The following USP6 variants were observed in gnomAD, a reference collection of about 807,000 sequenced individuals.
USP6 encodes the protein ubiquitin specific peptidase 6.
USP6 carries 128 observed loss-of-function variants against 175.7 expected under a neutral mutation model. The ratio of observed to expected loss-of-function variants is 0.73; its 90% CI spans 0.63 to 0.84. The LOEUF (loss-of-function observed/expected upper bound fraction) is 0.84. Among genes scored for constraint, USP6 ranks in the 40% least tolerant of loss-of-function variants. USP6 has a pLI of 0.00. For missense variants in USP6, 1,498 were observed against 1,760.3 expected, an observed-to-expected ratio of 0.85 and a Z score of 2.67; for synonymous variants, 562 against 630.6, an observed-to-expected ratio of 0.89 and a Z score of 1.63.
At chr17:5,141,004 G>T (rs781251727) in intron 22 of USP6, among the ~76,000 whole-genome samples, 1 of 152,266 alleles carries the variant, frequency 6.6e-6, no homozygotes, top group Non-Finnish European at 1.5e-5. Context: ...GGAGTGCAGT[G>T]GTGCAATCAT....
chr17:5,132,858 G>C lies in USP6; in HGVS notation c.196-52G>C, dbSNP rs886878002. ...AGCCCAAGACTCAGCATCCATGGGC[G>C]GCTCTGGGAAGCCTGGCAGCTCCAC... is the stretch of plus-strand genomic sequence containing the variant. On this transcript the variant is annotated intron_variant, in intron 12 of 37. Transcript: ENST00000574788. The surrounding 1 kb of genome is among the most constrained non-coding windows in gnomAD (Gnocchi z 4.7). 1.9e-6 allele frequency: 3 copies of C among 1,603,024 alleles called. No homozygotes were observed. The highest frequency in any genetic ancestry group is 3.3e-5 in the Admixed American group (2 of 59,990).
At position 5,135,345 on chromosome 17, in the gene USP6, G is replaced by C. The variant is rs569988987; in HGVS notation, c.543+63G>C. ...TCCATATTCACAGGAGTGGGTGTCT[G>C]GTGGGGGTGTCGTTGCTTCTTTTAA... On this transcript the variant is annotated intron_variant, in intron 16 of 37. Transcript: ENST00000574788. 31 of 1,586,894 alleles carry C rather than the reference G, an allele frequency of 2.0e-5. No individual in the cohort carries two copies. In the African/African-American group the frequency reaches 3.6e-4, roughly 19 times the overall value.
intron 32 of USP6, 56 bp downstream of exon 32, chr17:5,161,670 C>A: frequency 6.3e-7 from 1 of 1,579,498 alleles, no homozygotes; most frequent in Non-Finnish European, 8.7e-7. Flanking sequence ...AGATATTATA[C>A]AATTTTCCTA....
Position 5,170,775 on chromosome 17 carries a change from T to C in USP6, c.3814T>C (p.Tyr1272His). 1.9e-6 allele frequency: 3 copies of C among 1,613,880 alleles called. No homozygotes were observed. The highest frequency in any genetic ancestry group is 2.5e-6 in the Non-Finnish European group (3 of 1,179,850). ...HEVALANGFL[Y>H]EHEACGNGCG... ...GGTAGCTTTGGCCAATGGATTCCTT[T>C]ATGAGCATGAAGCATGTGGCAATGG... Residue 1272 changes from tyrosine (Y) to histidine (H), a missense_variant, in exon 36 of 38, where the codon TAT becomes CAT. Transcript: ENST00000574788.
chr17:5,138,897 A>T, intron 21 of USP6: 1 of 943,768 alleles, frequency 1.1e-6, no homozygotes, highest in African/African-American at 1.6e-5. Context: ...ACAGGTCCCC[A>T]TGTGAGGTGG....
Position 5,144,762 on chromosome 17 carries a change from C to T in USP6, c.1891C>T (p.Leu631Phe), listed in dbSNP as rs1032380437. ...AGACTCCCAAGAACTTCTGGCTTTT[C>T]TCTTGGATGGTCTTCATGAAGATCT... ...QQDSQELLAF[L>F]LDGLHEDLNR... is the part of the protein sequence containing the mutation. The change falls in exon 26 of 38, where the codon CTC (leucine) becomes TTC (phenylalanine). Residue 631 changes from leucine (L) to phenylalanine (F), a missense_variant. By Grantham distance (22) the Leu-to-Phe change is conservative (BLOSUM62 0). This residue lies in a region of USP6 where 1,217 missense variants were observed against 1,500.8 expected (regional missense o/e 0.81). Transcript: ENST00000574788. 6.2e-7 allele frequency: 1 copy of T among 1,613,628 alleles called. No homozygotes were observed. The highest frequency in any genetic ancestry group is 8.5e-7 in the Non-Finnish European group (1 of 1,179,834).
intron 1 of USP6, among the ~76,000 whole-genome samples, 163 bp from the exon 2 acceptor site, chr17:5,118,037 C>G (rs2072573225): frequency 1.3e-5 from 2 of 149,694 alleles, no homozygotes; most frequent in Admixed American, 6.7e-5. Context: ...CCACTGCACT[C>G]TAGCCTGGGC....
At chr17:5,158,614 G>GA (rs2073938748) in intron 31 of USP6, among the ~76,000 whole-genome samples, 2 of 26,356 alleles carry the variant, frequency 7.6e-5, no homozygotes, top group African/African-American at 1.5e-4. Context: ...AGGGAGAGGG[G>GA]GAGAGAGAGA....
intron 2 of USP6, among the ~76,000 whole-genome samples, chr17:5,120,289 G>T (rs775636612): frequency 2.6e-5 from 4 of 152,130 alleles, no homozygotes; most frequent in Non-Finnish European, 5.9e-5. Flanking sequence ...AGGCAGTGGT[G>T]GGGGCAAGGT....
chr17:5,142,114 C>T lies in USP6; in HGVS notation c.1685C>T (p.Ser562Leu). 6.2e-7 allele frequency: 1 copy of T among 1,613,260 alleles called. No individual in the cohort carries two copies. Among genetic ancestry groups the T allele is most frequent in the Non-Finnish European group, 8.5e-7 (1 of 1,179,672 alleles). Residue 562 changes from serine (S) to leucine (L), a missense_variant, in exon 24 of 38, where the codon TCA becomes TTA. This residue lies in a region of USP6 where 1,217 missense variants were observed against 1,500.8 expected (regional missense o/e 0.81). Coordinates refer to ENST00000574788, the MANE Select transcript of USP6 (RefSeq NM_001304284.2). ...NTQPLTQYFISGRHLYELNRT... is the reference protein window; with the variant it reads ...NTQPLTQYFILGRHLYELNRT... ...CAGCCACTGACACAGTATTTTATCT[C>T]AGGGAGACATCTTTATGAACTCAAC...
intron 32 of USP6, 118 bp downstream of exon 32, chr17:5,161,732 G>GT (rs2074007889): frequency 5.0e-6 from 6 of 1,191,906 alleles, no homozygotes; most frequent in Non-Finnish European, 7.1e-6. Context: ...CTTAAGAACT[G>GT]TGGCTGGGCA....
At chr17:5,131,182 G>A (rs975745907) in intron 11 of USP6, among the ~76,000 whole-genome samples, 1 of 152,010 alleles carries the variant, frequency 6.6e-6, no homozygotes, top group Non-Finnish European at 1.5e-5. Flanking sequence ...GGGGACAGTG[G>A]GGGCTTTGGC....
intron 2 of USP6, among the ~76,000 whole-genome samples, chr17:5,120,044 C>T (rs1375254968): frequency 1.3e-5 from 2 of 152,144 alleles, no homozygotes; most frequent in East Asian, 1.9e-4. Flanking sequence ...AGTCAGGAGG[C>T]CTTACGTGCC....
intron 33 of USP6, among the ~76,000 whole-genome samples, chr17:5,167,058 T>C (rs1265368838): frequency 6.6e-6 from 1 of 152,224 alleles, no homozygotes; most frequent in Non-Finnish European, 1.5e-5. Flanking sequence ...CAGATAATTA[T>C]AGACTTGGTA....
chr17:5,128,232 T>C (rs917987325), intron 7 of USP6, among the ~76,000 whole-genome samples: 20 of 152,200 alleles, frequency 1.3e-4, no homozygotes, highest in African/African-American at 4.6e-4. Flanking sequence ...AGGTTTTAGA[T>C]AACATGTCTA....
chr17:5,130,575 C>T (rs756386514), intron 10 of USP6, 27 bp from the exon 11 acceptor site: 2 of 1,613,138 alleles, frequency 1.2e-6, no homozygotes, highest in Middle Eastern at 1.7e-4. Context: ...CCTTGGACCC[C>T]TCACCAAGGC....
chr17:5,170,440 A>T (rs1284617135), intron 35 of USP6, 39 bp from the exon 36 acceptor site: 1 of 1,543,158 alleles, frequency 6.5e-7, no homozygotes, highest in South Asian at 1.2e-5. Flanking sequence ...ACTTTCTGGC[A>T]TTTGGATTTG....
chr17:5,123,756 C>T (rs2072789021), intron 4 of USP6, among the ~76,000 whole-genome samples: 1 of 152,168 alleles, frequency 6.6e-6, no homozygotes, highest in African/African-American at 2.4e-5. Context: ...TGCACGCACA[C>T]GTGTGCAGAC....
At chr17:5,120,462 G>T (rs1276720008) in intron 2 of USP6, among the ~76,000 whole-genome samples, 165 bp from the exon 3 acceptor site, 1 of 152,146 alleles carries the variant, frequency 6.6e-6, no homozygotes, top group Non-Finnish European at 1.5e-5. Context: ...TTTGAGTAAT[G>T]ACAATATCCA....
Sources: gnomAD v4.1 joint callset for allele counts (sites outside exome capture counted in the v4.1 genomes callset) on GRCh38, gnomAD v4.1.1 for gene constraint, gnomAD v4.1.1 regional missense constraint, Gnocchi (gnomAD v3.1) non-coding constraint, MANE v1.5 for transcripts, NCBI Gene and HGNC (gene_info 2026-07-23, HGNC 2026-07-21) for gene names.